Variants in SLIT2 observed in about 807,000 individuals in gnomAD.
The protein encoded by SLIT2 is slit guidance ligand 2, also known as slit homolog 2 protein.
In SLIT2, 41 loss-of-function variants were observed where a neutral mutation model predicts 185.7. The ratio of observed to expected loss-of-function variants is 0.22; its 90% CI spans 0.17 to 0.29. The LOEUF (loss-of-function observed/expected upper bound fraction) is 0.29, where lower values mean the gene tolerates loss of function less well. Ranked by LOEUF, SLIT2 falls within the 10% of genes least tolerant of loss-of-function variation. The pLI is 1.00. For missense variants in SLIT2, 1,571 were observed against 1,909.0 expected, an observed-to-expected ratio of 0.82 and a Z score of 3.30; for synonymous variants, 693 against 680.2, an observed-to-expected ratio of 1.02 and a Z score of -0.29.
At chr4:20,572,291 T>C (rs1421549768) in intron 29 of SLIT2, among the ~76,000 whole-genome samples, 1 of 152,206 alleles carries the variant, frequency 6.6e-6, no homozygotes, top group Non-Finnish European at 1.5e-5. Context: ...ATTACTAGTA[T>C]ATTTTAGGTA....
intron 5 of SLIT2, among the ~76,000 whole-genome samples, chr4:20,478,524 C>T (rs919278582): frequency 6.6e-6 from 1 of 152,204 alleles, no homozygotes; most frequent in African/African-American, 2.4e-5. Context: ...TGCTTTCTGG[C>T]ATGCTGGAGG....
At chr4:20,270,931 GAA>G in intron 4 of SLIT2, among the ~76,000 whole-genome samples, 1 of 151,928 alleles carries the variant, frequency 6.6e-6, no homozygotes, top group Non-Finnish European at 1.5e-5. Flanking sequence ...TCTCTCGAGA[GAA>G]TAAGTTATAA....
In SLIT2 at chr4:20,533,637, A is replaced by G. The variant is rs766391317; in HGVS notation, c.1754A>G (p.Asn585Ser). ...GCATTTGAAGGAGCATCTGGTGTAA[A>G]TGAAATACTTCTTACGAGTAATCGT... ...EGAFEGASGVNEILLTSNRLE... is the reference protein window; with the variant it reads ...EGAFEGASGVSEILLTSNRLE... The change falls in exon 18 of 37, where the codon AAT (asparagine) becomes AGT (serine). Residue 585 changes from asparagine to serine, a missense_variant. Physicochemically the swap from Asn to Ser is conservative, Grantham distance 46. Around this residue, in one of 3 missense-constraint regions of SLIT2, gnomAD observed 1,202 missense variants for 1,416.4 expected, o/e 0.85. Coordinates refer to ENST00000504154, the MANE Select transcript of SLIT2 (RefSeq NM_004787.4). 3 of 1,612,326 alleles carry G rather than the reference A, an allele frequency of 1.9e-6. No individual in the cohort carries two copies. Among genetic ancestry groups the G allele is most frequent in the Non-Finnish European group, 2.5e-6 (3 of 1,178,304 alleles).
chr4:20,462,377 CT>C (rs1471944389), intron 4 of SLIT2, among the ~76,000 whole-genome samples: 3 of 152,166 alleles, frequency 2.0e-5, no homozygotes, highest in Non-Finnish European at 4.4e-5. Context: ...ACCTAGTTTT[CT>C]TGTCTTCAAT....
At chr4:20,505,440 T>C (rs1360091409) in intron 9 of SLIT2, among the ~76,000 whole-genome samples, 1 of 152,144 alleles carries the variant, frequency 6.6e-6, no homozygotes, top group African/African-American at 2.4e-5. Flanking sequence ...TGTTATTTTA[T>C]ATAGTTTGTC....
intron 4 of SLIT2, among the ~76,000 whole-genome samples, chr4:20,376,324 C>T (rs1239575618): frequency 6.6e-6 from 1 of 151,660 alleles, no homozygotes; most frequent in Non-Finnish European, 1.5e-5. Flanking sequence ...ATAGTTCTAA[C>T]CTATAGGGAC....
At chr4:20,413,949 C>G (rs1727457479) in intron 4 of SLIT2, among the ~76,000 whole-genome samples, 1 of 152,014 alleles carries the variant, frequency 6.6e-6, no homozygotes, top group African/African-American at 2.4e-5. Context: ...TAATTACTGA[C>G]AAATTAGGAT....
At chr4:20,285,062 C>T (rs938338539) in intron 4 of SLIT2, among the ~76,000 whole-genome samples, 1 of 152,222 alleles carries the variant, frequency 6.6e-6, no homozygotes, top group Non-Finnish European at 1.5e-5. Flanking sequence ...TTCCTTTCCA[C>T]TTAAATTGTC....
chr4:20,518,729 C>T (rs1465753440), intron 11 of SLIT2, among the ~76,000 whole-genome samples: 6 of 139,800 alleles, frequency 4.3e-5, no homozygotes, highest in South Asian at 2.3e-4. Flanking sequence ...CTCAGCCTCC[C>T]GCGCAGCTGG....
chr4:20,491,022 T>C (rs1327177550), intron 8 of SLIT2, among the ~76,000 whole-genome samples: 2 of 152,214 alleles, frequency 1.3e-5, no homozygotes, highest in African/African-American at 4.8e-5. Flanking sequence ...TGTGCTGATA[T>C]TCTGTTGCTC....
chr4:20,376,976 C>G (rs1021634211), intron 4 of SLIT2, among the ~76,000 whole-genome samples: 20 of 152,034 alleles, frequency 1.3e-4, no homozygotes, highest in African/African-American at 4.1e-4. Flanking sequence ...ACCTATGTAA[C>G]AGACCTGCAC....
intron 34 of SLIT2, 124 bp from the exon 35 acceptor site, chr4:20,616,786 C>T (rs1729688251): frequency 2.8e-6 from 3 of 1,054,122 alleles, no homozygotes; most frequent in East Asian, 2.5e-5. Flanking sequence ...ACTTCCCTAC[C>T]ACCCTGCCCA....
At chr4:20,594,359 A>G (rs1186900925) in intron 30 of SLIT2, among the ~76,000 whole-genome samples, 1 of 151,632 alleles carries the variant, frequency 6.6e-6, no homozygotes, top group Non-Finnish European at 1.5e-5. Context: ...CAGGCTTTGC[A>G]GTTATGTGTA....
chr4:20,454,840 A>G (rs1230340159), intron 4 of SLIT2, among the ~76,000 whole-genome samples: 1 of 152,178 alleles, frequency 6.6e-6, no homozygotes, highest in Non-Finnish European at 1.5e-5. Flanking sequence ...TGGGCAATAA[A>G]ATAGCAGCAT....
intron 4 of SLIT2, among the ~76,000 whole-genome samples, chr4:20,439,789 A>C (rs1729614110): frequency 2.6e-5 from 4 of 152,194 alleles, no homozygotes; most frequent in Admixed American, 2.6e-4. Flanking sequence ...ACAAAGATTT[A>C]GTAATATGTA....
chr4:20,432,202 C>T (rs1015501843), intron 4 of SLIT2, among the ~76,000 whole-genome samples: 3 of 152,146 alleles, frequency 2.0e-5, no homozygotes, highest in African/African-American at 7.2e-5. Flanking sequence ...CCCTCCCCAT[C>T]CCCTAGGACA....
At chr4:20,454,790 T>C (rs1014015301) in intron 4 of SLIT2, among the ~76,000 whole-genome samples, 4 of 152,156 alleles carry the variant, frequency 2.6e-5, no homozygotes, top group African/African-American at 9.6e-5. Context: ...ATCATTGCAC[T>C]CTAAGGTTAA....
At chr4:20,518,990 T>A (rs1720570578) in intron 11 of SLIT2, among the ~76,000 whole-genome samples, 1 of 152,176 alleles carries the variant, frequency 6.6e-6, no homozygotes, top group Non-Finnish European at 1.5e-5. Context: ...GACTTTTATG[T>A]CACTGTATAC....
chr4:20,584,649 AGT>A (rs1394302624), intron 29 of SLIT2, among the ~76,000 whole-genome samples: 1 of 152,240 alleles, frequency 6.6e-6, no homozygotes, highest in Non-Finnish European at 1.5e-5. Flanking sequence ...CATTTAGAAG[AGT>A]GGGTATCACT....
Sources: allele counts gnomAD v4.1 joint callset (sites outside exome capture counted in the v4.1 genomes callset), GRCh38; gene constraint gnomAD v4.1.1; regional missense constraint gnomAD v4.1.1; transcripts MANE v1.5; gene names NCBI Gene and HGNC (gene_info 2026-07-23, HGNC 2026-07-21).